BRD10: variants seen among roughly 807,000 people sequenced by gnomAD.
The protein encoded by BRD10 is uncharacterized bromodomain-containing protein 10.
chr9:5,892,117 C>T, the BRD10 span, among the ~76,000 whole-genome samples: 1 of 152,206 alleles, frequency 6.6e-6, no homozygotes, highest in African/African-American at 2.4e-5. Context: ...GTTTGTTTCT[C>T]TAGAAGTTTA....
the BRD10 span, among the ~76,000 whole-genome samples, chr9:5,998,132 T>C: frequency 6.6e-6 from 1 of 152,102 alleles, no homozygotes; most frequent in Non-Finnish European, 1.5e-5. Flanking sequence ...AAGTTCTGTT[T>C]TGAACATGTT....
chr9:5,915,728 C>G, the BRD10 span, among the ~76,000 whole-genome samples: 1 of 152,180 alleles, frequency 6.6e-6, no homozygotes, highest in Non-Finnish European at 1.5e-5. Flanking sequence ...CTTTATTCCT[C>G]TAACTTATTA....
the BRD10 span, chr9:5,968,235 C>T: frequency 6.2e-7 from 1 of 1,612,582 alleles, no homozygotes; most frequent in Non-Finnish European, 8.5e-7. Flanking sequence ...AGTGACTGCT[C>T]TAATAGAATA....
the BRD10 span, among the ~76,000 whole-genome samples, chr9:5,879,569 C>T: frequency 9.2e-5 from 14 of 152,142 alleles, no homozygotes; most frequent in Admixed American, 2.0e-4. Flanking sequence ...AGGAACCTGA[C>T]CCTTGATGAC....
the BRD10 span, among the ~76,000 whole-genome samples, chr9:5,888,910 A>T: frequency 6.6e-6 from 1 of 152,208 alleles, no homozygotes; most frequent in African/African-American, 2.4e-5. Flanking sequence ...TTCTCAATTG[A>T]GTTGTGATGT....
At chr9:5,969,578 C>T in the BRD10 span, 1 of 651,258 alleles carries the variant, frequency 1.5e-6, no homozygotes, top group Non-Finnish European at 2.5e-6. Flanking sequence ...GAGTCTCGCT[C>T]TGTCCCCCAG....
the BRD10 span, among the ~76,000 whole-genome samples, chr9:5,914,570 C>CCCA: frequency 6.6e-6 from 1 of 151,690 alleles, no homozygotes; most frequent in African/African-American, 2.4e-5. Context: ...ACTATAGGCA[C>CCCA]CCACCACCAC....
At chr9:5,975,041 G>A in the BRD10 span, among the ~76,000 whole-genome samples, 2 of 152,086 alleles carry the variant, frequency 1.3e-5, no homozygotes, top group African/African-American at 2.4e-5. Context: ...TACAATGTTT[G>A]GCATTCAAAC....
the BRD10 span, among the ~76,000 whole-genome samples, chr9:6,004,301 C>G: frequency 1.3e-5 from 2 of 152,192 alleles, no homozygotes; most frequent in African/African-American, 4.8e-5. Context: ...CAACTACAAA[C>G]CACTTAAGGG....
At chr9:5,938,662 A>C in the BRD10 span, among the ~76,000 whole-genome samples, 1 of 152,134 alleles carries the variant, frequency 6.6e-6, no homozygotes, top group Admixed American at 6.6e-5. Flanking sequence ...GCAGGTAAAA[A>C]GCACATTTTA....
the BRD10 span, among the ~76,000 whole-genome samples, chr9:5,927,845 T>C: frequency 3.9e-5 from 6 of 152,196 alleles, no homozygotes; most frequent in Non-Finnish European, 7.4e-5. Flanking sequence ...TTTTCTTCTC[T>C]ATCTATGCTC....
the BRD10 span, among the ~76,000 whole-genome samples, chr9:5,974,913 A>T: frequency 6.6e-6 from 1 of 152,186 alleles, no homozygotes; most frequent in Non-Finnish European, 1.5e-5. Context: ...GATCCAAGTA[A>T]AAAATCATAA....
At chr9:5,981,521 G>C in the BRD10 span, among the ~76,000 whole-genome samples, 1 of 152,056 alleles carries the variant, frequency 6.6e-6, no homozygotes, top group Non-Finnish European at 1.5e-5. Flanking sequence ...CAGGCAATTA[G>C]GTCTGAAACT....
the BRD10 span, among the ~76,000 whole-genome samples, chr9:5,948,846 T>A: frequency 2.6e-5 from 4 of 152,276 alleles, no homozygotes; most frequent in East Asian, 1.9e-4. Context: ...TCAAAATTTA[T>A]ATTGTATTTA....
At chr9:5,921,184 T>C in the BRD10 span, 11 of 1,613,948 alleles carry the variant, frequency 6.8e-6, no homozygotes, top group Admixed American at 6.7e-5. Context: ...CTTCTCCTTT[T>C]GGGGTTACAT....
chr9:5,910,009 TA>T, the BRD10 span: 1 of 152,234 alleles, frequency 6.6e-6, no homozygotes, highest in Admixed American at 6.5e-5. Context: ...AGAGGATAAC[TA>T]TAACAACGAA....
chr9:5,984,922 T>G, the BRD10 span, among the ~76,000 whole-genome samples: 1 of 151,684 alleles, frequency 6.6e-6, no homozygotes, highest in East Asian at 1.9e-4. Flanking sequence ...GATTTCAAAA[T>G]TACACAAAAA....
chr9:5,956,556 A>G, the BRD10 span, among the ~76,000 whole-genome samples: 1 of 152,206 alleles, frequency 6.6e-6, no homozygotes, highest in Non-Finnish European at 1.5e-5. Context: ...TGTGAGAATT[A>G]AATGGGTTAT....
At chr9:5,906,516 T>G in the BRD10 span, among the ~76,000 whole-genome samples, 2 of 152,260 alleles carry the variant, frequency 1.3e-5, no homozygotes, top group African/African-American at 4.8e-5. Flanking sequence ...CCTCAATTTT[T>G]GCTTGACAAA....
Sources: gnomAD v4.1 joint callset for allele counts (sites outside exome capture counted in the v4.1 genomes callset) on GRCh38, gnomAD v4.1.1 for gene constraint, MANE v1.5 for transcripts, NCBI Gene and HGNC (gene_info 2026-07-23, HGNC 2026-07-21) for gene names.